The following SASH1 variants were observed in gnomAD, a reference collection of about 807,000 sequenced individuals.
The protein encoded by SASH1 is SAM and SH3 domain-containing protein 1.
In SASH1, 44 loss-of-function variants were observed where a neutral mutation model predicts 125.2. That is an observed-to-expected ratio of 0.35 (90% CI 0.28 to 0.45). SASH1 has a LOEUF of 0.45. Ranked by LOEUF, SASH1 falls within the 20% of genes least tolerant of loss-of-function variation. The pLI is 1.00. For synonymous variants in SASH1, 639 were observed against 649.1 expected (o/e 0.98, Z 0.24); for missense variants, 1,426 against 1,614.5 (o/e 0.88, Z 2.00).
At chr6:148,493,858 A>G (rs895356332) in intron 8 of SASH1, among the ~76,000 whole-genome samples, 5 of 152,166 alleles carry the variant, frequency 3.3e-5, no homozygotes, top group Admixed American at 6.5e-5. Flanking sequence ...TTTGGTTGAG[A>G]GCTTAGCTCG....
In SASH1 at chr6:148,544,937, AC is replaced by A. The variant is rs538752070; in HGVS notation, c.3348+121del. On this transcript the variant is annotated intron_variant, in intron 18 of 19. Coordinates refer to ENST00000367467, the MANE Select transcript of SASH1 (RefSeq NM_015278.5). This position sits in a 1 kb window ranked among gnomAD's most constrained non-coding sequence, Gnocchi z 6.4. Reference sequence around the variant, plus strand: ...GTAGCCCGCCCAGTGGACAGGAGACACCTGAATCCACGTGTCCACACCTTAC... The same window carrying A: ...GTAGCCCGCCCAGTGGACAGGAGACACTGAATCCACGTGTCCACACCTTAC... The A allele has an allele frequency of 6.8e-5, 62 of 905,474 alleles. No individual in the cohort carries two copies. The South Asian group carries it at 1.1e-3, about 16-fold the overall frequency. The allele number at this position is 905,474 out of a possible 1,614,324, so 56.1% of individuals were successfully genotyped here.
the SASH1 span, among the ~76,000 whole-genome samples, chr6:148,218,189 A>G: frequency 5.9e-5 from 9 of 152,136 alleles, no homozygotes; most frequent in Admixed American, 2.6e-4. Context: ...TTTTGAAAAC[A>G]TCTGCTTGAA....
chr6:148,411,165 CCA>C (rs1491577414), intron 2 of SASH1, among the ~76,000 whole-genome samples: 2 of 37,030 alleles, frequency 5.4e-5, no homozygotes, highest in African/African-American at 2.0e-4. Context: ...AACTCCATCT[CCA>C]AAAAAAAAAA....
At chr6:148,360,628 C>A (rs1411105487) in intron 1 of SASH1, among the ~76,000 whole-genome samples, 5 of 88,084 alleles carry the variant, frequency 5.7e-5, no homozygotes, top group Admixed American at 4.2e-4. Flanking sequence ...GGATTACAGG[C>A]GTGAGCCACC....
rs1782695918 is a variant in SASH1 at position 148,548,469 on chromosome 6, G to A, written c.3655G>A (p.Glu1219Lys). 5.6e-6 allele frequency: 9 copies of A among 1,614,188 alleles called. No individual in the cohort carries two copies. The highest frequency in any genetic ancestry group is 1.7e-5 in the Admixed American group (1 of 60,030). The change falls in exon 20 of 20, where the codon GAG becomes AAG. Residue 1219 changes from glutamate (E) to lysine (K), a missense_variant. Transcript: ENST00000367467. ...VPSLSHTCLQ[E>K]AGITEERHIR... ...TTCTCTGTCTCACACTTGCCTTCAGGAGGCCGGCATCACAGAGGAGAGACA... is the reference window on the plus strand; with the variant it reads ...TTCTCTGTCTCACACTTGCCTTCAGAAGGCCGGCATCACAGAGGAGAGACA...
At chr6:148,254,791 A>G in the SASH1 span, among the ~76,000 whole-genome samples, 3 of 152,226 alleles carry the variant, frequency 2.0e-5, no homozygotes, top group Non-Finnish European at 4.4e-5. Flanking sequence ...TTCAGGAAAG[A>G]GTATGGCAGT....
intron 1 of SASH1, among the ~76,000 whole-genome samples, chr6:148,330,455 T>C (rs1302906059): frequency 6.6e-6 from 1 of 152,244 alleles, no homozygotes; most frequent in Non-Finnish European, 1.5e-5. Context: ...GTAAAGTTTA[T>C]TAGAAGACAA....
At position 148,364,083 on chromosome 6, in the gene SASH1, A is replaced by G. The variant is rs186227290; in HGVS notation, c.156+20860A>G. Among the ~76,000 whole-genome samples, 127 of 152,204 alleles carry G rather than the reference A, an allele frequency of 8.3e-4. 1 individual carries two copies. The highest frequency in any genetic ancestry group is 2.7e-3 in the African/African-American group (113 of 41,518). On this transcript the variant is annotated intron_variant, in intron 1 of 19. Transcript: ENST00000367467. The stretch of plus-strand genomic sequence containing the variant: ...TTAGAAAAATAAAATTTCCCAGCTC[A>G]TCGGCAGCCCATCCTGTTGGTAAAG...
chr6:148,513,147 GGA>G (rs1780245844), intron 8 of SASH1: 1 of 985,214 alleles, frequency 1.0e-6, no homozygotes, highest in Admixed American at 6.1e-5. Context: ...TGTAACACTG[GGA>G]TTAGTGAGAG....
At chr6:148,221,373 T>C in the SASH1 span, among the ~76,000 whole-genome samples, 1 of 152,220 alleles carries the variant, frequency 6.6e-6, no homozygotes, top group Non-Finnish European at 1.5e-5. Context: ...TGCTTAGTAC[T>C]GAATTTATAT....
intron 2 of SASH1, among the ~76,000 whole-genome samples, chr6:148,414,062 A>T (rs1393093714): frequency 6.6e-6 from 1 of 152,158 alleles, no homozygotes; most frequent in Non-Finnish European, 1.5e-5. Flanking sequence ...AGTAATATTT[A>T]CAGCAGGGGC....
At chr6:148,256,135 T>G in the SASH1 span, among the ~76,000 whole-genome samples, 2 of 152,174 alleles carry the variant, frequency 1.3e-5, no homozygotes, top group Non-Finnish European at 2.9e-5. Context: ...CATAGAAAAT[T>G]TCTGCGGAAT....
At chr6:148,449,724 G>T (rs986989222) in intron 4 of SASH1, among the ~76,000 whole-genome samples, 14 of 152,182 alleles carry the variant, frequency 9.2e-5, no homozygotes, top group African/African-American at 3.1e-4. Flanking sequence ...TGTTTATTTA[G>T]CTCAGGGTTC....
the SASH1 span, among the ~76,000 whole-genome samples, chr6:148,247,207 C>T: frequency 0.068 from 10,280 of 152,164 alleles, 359 homozygotes; most frequent in Middle Eastern, 0.11. Context: ...AACTAGAATG[C>T]GAATTTATTA....
chr6:148,513,426 A>G, intron 8 of SASH1: 17 of 985,456 alleles, frequency 1.7e-5, no homozygotes, highest in Non-Finnish European at 2.0e-5. Flanking sequence ...ATGCTGTTTC[A>G]CATTTTGAAC....
At chr6:148,522,781 GGTCATCAAC>G (rs1335746466) in intron 10 of SASH1, among the ~76,000 whole-genome samples, 3 of 152,102 alleles carry the variant, frequency 2.0e-5, no homozygotes, top group African/African-American at 7.2e-5. Flanking sequence ...CATTTATTTA[GGTCATCAAC>G]GTCAAGGGCT....
chr6:148,456,426 C>A (rs1047529737), intron 4 of SASH1, among the ~76,000 whole-genome samples: 2 of 152,336 alleles, frequency 1.3e-5, no homozygotes, highest in East Asian at 3.9e-4. Context: ...CCAGAGGAGC[C>A]CCTGCCAGCC....
intron 2 of SASH1, among the ~76,000 whole-genome samples, chr6:148,431,460 A>C (rs1325094405): frequency 6.6e-6 from 1 of 152,120 alleles, no homozygotes; most frequent in Non-Finnish European, 1.5e-5. Context: ...CAACCTCCCA[A>C]AGTGCTGGAT....
rs557267759 is a variant in SASH1 at position 148,506,517 on chromosome 6, AT to A, written c.730-7805del. ...GTAATAGTAAAAATATTAAGTCCTT[AT>A]TGAACTCCAGTTCAGTAAGGATTTC... On this transcript the variant is annotated intron_variant, in intron 8 of 19. Transcript: ENST00000367467. Among the ~76,000 whole-genome samples the A allele has an allele frequency of 8.4e-3, 1,278 of 152,300 alleles. 11 individuals are homozygous for A. Among genetic ancestry groups the A allele is most frequent in the Non-Finnish European group, 0.011 (772 of 68,020 alleles).
Sources: allele counts gnomAD v4.1 joint callset (sites outside exome capture counted in the v4.1 genomes callset), GRCh38; gene constraint gnomAD v4.1.1; non-coding constraint Gnocchi (gnomAD v3.1); transcripts MANE v1.5; gene names NCBI Gene and HGNC (gene_info 2026-07-23, HGNC 2026-07-21).